Variants in HCN4 observed in about 807,000 individuals in gnomAD.
HCN4 encodes the protein potassium/sodium hyperpolarization-activated cyclic nucleotide-gated channel 4.
HCN4 carries 29 observed loss-of-function variants against 76.9 expected under a neutral mutation model. That is an observed-to-expected ratio of 0.38 (90% CI 0.28 to 0.51). The LOEUF is 0.51. Ranked by LOEUF, HCN4 falls within the 20% of genes least tolerant of loss-of-function variation. The pLI is 0.90. For missense variants in HCN4, 1,416 were observed against 1,715.2 expected (o/e 0.83, Z 3.08); for synonymous variants, 772 against 762.5 (o/e 1.01, Z -0.21).
In HCN4 at chr15:73,324,986, C is replaced by T; in HGVS notation, c.1947G>A (p.Glu649=). The T allele has an allele frequency of 6.2e-7, 1 of 1,614,186 alleles. No individual in the cohort carries two copies. Among genetic ancestry groups the T allele is most frequent in the Non-Finnish European group, 8.5e-7 (1 of 1,180,036 alleles). The stretch of plus-strand genomic sequence containing the variant: ...AGTAGGAGCCGTCGGCCAGCTTGGT[C>T]TCCTTGTTGCCCTTGGTGAGCACGC... ...VVSVLTKGNK[E]TKLADGSYFG... The change falls in exon 6 of 8, where the codon GAG becomes GAA. Residue 649 remains glutamate, a synonymous_variant. Transcript: ENST00000261917.
At position 73,367,755 on chromosome 15, in the gene HCN4, C is replaced by T. The variant is rs772278008; in HGVS notation, c.516G>A (p.Pro172=). 1.5e-5 allele frequency: 24 copies of T among 1,557,338 alleles called. No homozygotes were observed. Among genetic ancestry groups the T allele is most frequent in the Non-Finnish European group, 1.9e-5 (22 of 1,159,552 alleles). Residue 172 remains proline, a synonymous_variant, in exon 1 of 8, where the codon CCG becomes CCA. Coordinates refer to ENST00000261917, the MANE Select transcript of HCN4 (RefSeq NM_005477.3). This position sits in a 1 kb window ranked among gnomAD's most constrained non-coding sequence, Gnocchi z 7.5. ...GCTCGCAGGAGGCGGAGGCCGGCTG[C>T]GGTGGCTGCTGGGGCGGCGGCGGCG... ...AASPPPPQQP[P]QPASASCEQP...
intron 1 of HCN4, among the ~76,000 whole-genome samples, chr15:73,357,425 GTCCCACAGGGCC>G (rs555001413): frequency 1.3e-5 from 2 of 152,180 alleles, no homozygotes; most frequent in East Asian, 3.9e-4. Context: ...CCGCTGGCCT[GTCCCACAGGGCC>G]CCTCCACCCA....
intron 1 of HCN4, among the ~76,000 whole-genome samples, chr15:73,353,026 A>C (rs189162958): frequency 6.6e-6 from 1 of 152,016 alleles, no homozygotes; most frequent in Non-Finnish European, 1.5e-5. Context: ...GGATGGATGG[A>C]TGGATGGATG....
Position 73,353,032 on chromosome 15 carries a change from G to A in HCN4, c.786-9224C>T, listed in dbSNP as rs181449923. On this transcript the variant is annotated intron_variant, in intron 1 of 7. Coordinates refer to ENST00000261917, the MANE Select transcript of HCN4 (RefSeq NM_005477.3). ...TGGATGGATGGATGGATGGATGGAT[G>A]GATGGATGGATGGATGGACGGACGG... Among the ~76,000 whole-genome samples, 12 of 152,182 alleles carry A rather than the reference G, an allele frequency of 7.9e-5. 1 individual carries two copies. The highest frequency in any genetic ancestry group is 4.2e-4 in the South Asian group (2 of 4,818).
intron 2 of HCN4, among the ~76,000 whole-genome samples, chr15:73,338,552 C>T (rs567299714): frequency 1.3e-5 from 2 of 152,322 alleles, no homozygotes; most frequent in South Asian, 4.1e-4. Flanking sequence ...ACCACTAGCA[C>T]ATGGTAGGCA....
At chr15:73,356,150 A>C (rs2043078362) in intron 1 of HCN4, among the ~76,000 whole-genome samples, 1 of 151,214 alleles carries the variant, frequency 6.6e-6, no homozygotes, top group African/African-American at 2.4e-5. Context: ...AACATGAAGC[A>C]CTGGAAATGG....
At position 73,323,445 on chromosome 15, in the gene HCN4, G is replaced by C. The variant is rs148398509; in HGVS notation, c.2648C>G (p.Pro883Arg). 19,219 of 1,609,494 alleles carry C rather than the reference G, an allele frequency of 0.012. 149 individuals carry two copies. The highest frequency in any genetic ancestry group is 0.015 in the Non-Finnish European group (17,215 of 1,179,178). The change falls in exon 8 of 8, where the codon CCC (proline) becomes CGC (arginine). Residue 883 changes from proline (P) to arginine (R), a missense_variant. By Grantham distance (103) the Pro-to-Arg change is moderately radical. Coordinates refer to ENST00000261917, the MANE Select transcript of HCN4 (RefSeq NM_005477.3). ...CGAGGGGGAGCCACAGGCCCCGGGGGGTGGGGAGGAGCTGGATGAGGGCAG... is the reference window on the plus strand; with the variant it reads ...CGAGGGGGAGCCACAGGCCCCGGGGCGTGGGGAGGAGCTGGATGAGGGCAG... ...PLLPSSSSSPPPGACGSPSAP... is the reference protein window; with the variant it reads ...PLLPSSSSSPRPGACGSPSAP...
intron 1 of HCN4, among the ~76,000 whole-genome samples, chr15:73,346,036 C>G (rs1010148244): frequency 6.6e-6 from 1 of 152,172 alleles, no homozygotes; most frequent in African/African-American, 2.4e-5. Context: ...TTGCATAAGG[C>G]AAAAACACCC....
chr15:73,326,590 G>T (rs2042900813), intron 4 of HCN4, among the ~76,000 whole-genome samples: 1 of 152,096 alleles, frequency 6.6e-6, no homozygotes, highest in Non-Finnish European at 1.5e-5. Context: ...AGGTTGAAGT[G>T]GTCCAGGTGA....
At chr15:73,354,986 G>T (rs958624407) in intron 1 of HCN4, among the ~76,000 whole-genome samples, 2 of 152,244 alleles carry the variant, frequency 1.3e-5, no homozygotes, top group East Asian at 3.9e-4. Flanking sequence ...GAGTAAGAGG[G>T]TTGATGCAGA....
chr15:73,353,059 C>A (rs531831978), intron 1 of HCN4, among the ~76,000 whole-genome samples: 3 of 150,486 alleles, frequency 2.0e-5, no homozygotes, highest in African/African-American at 4.9e-5. Flanking sequence ...GACGGACGGA[C>A]GGGAGACTGT....
intron 6 of HCN4, among the ~76,000 whole-genome samples, chr15:73,324,613 G>A (rs2042887557): frequency 6.6e-6 from 1 of 152,212 alleles, no homozygotes; most frequent in Non-Finnish European, 1.5e-5. Flanking sequence ...AGGCCGGGGA[G>A]CTGGCTCATC....
intron 1 of HCN4, among the ~76,000 whole-genome samples, chr15:73,346,328 C>G (rs904373004): frequency 1.3e-5 from 2 of 152,224 alleles, no homozygotes; most frequent in African/African-American, 2.4e-5. Context: ...ACCACAGTAC[C>G]TGACTAGCAG....
At position 73,343,309 on chromosome 15, in the gene HCN4, T is replaced by G. The variant is rs1490273251; in HGVS notation, c.1209+76A>C. On this transcript the variant is annotated intron_variant, in intron 2 of 7. Coordinates refer to ENST00000261917, the MANE Select transcript of HCN4 (RefSeq NM_005477.3). This position sits in a 1 kb window ranked among gnomAD's most constrained non-coding sequence, Gnocchi z 5.7. ...ATCTGACAGCCTATGTTCAATTATCTGAGGTTCCCTGCCAGTTCCTCACTC... is the reference window on the plus strand; with the variant it reads ...ATCTGACAGCCTATGTTCAATTATCGGAGGTTCCCTGCCAGTTCCTCACTC... The G allele has an allele frequency of 4.2e-6, 6 of 1,426,552 alleles. No individual in the cohort carries two copies. The highest frequency in any genetic ancestry group is 3.9e-6 in the Non-Finnish European group (4 of 1,023,050). The allele number at this position is 1,426,552 out of a possible 1,614,324, so 88.4% of individuals were successfully genotyped here. A position where few individuals can be genotyped will look rare whatever the true frequency, so the allele number is the denominator to read the frequency against.
chr15:73,345,184 ATTGT>A (rs982877058), intron 1 of HCN4, among the ~76,000 whole-genome samples: 1 of 152,148 alleles, frequency 6.6e-6, no homozygotes, highest in Admixed American at 6.5e-5. Flanking sequence ...TTCATAGCAA[ATTGT>A]TTGTTTGTTT....
rs202188345 is a variant in HCN4 at position 73,323,015 on chromosome 15, G to A, written c.3078C>T (p.Ser1026=). 1.3e-5 allele frequency: 19 copies of A among 1,474,046 alleles called. No homozygotes were observed. The African/African-American group carries it at 2.0e-4, about 15-fold the overall frequency. 91.3% of individuals were successfully genotyped at this position (1,474,046 alleles called of 1,614,324 possible). ...PVGFTPRGGL[S]PPGHSPGPPR... is the part of the protein sequence containing the mutation. Reference sequence around the variant, plus strand: ...GGGGGCCTGGGCTGTGGCCAGGGGGGCTGAGACCTCCTCGGGGAGTAAAGC... The same window carrying A: ...GGGGGCCTGGGCTGTGGCCAGGGGGACTGAGACCTCCTCGGGGAGTAAAGC... Residue 1026 remains serine, a synonymous_variant, in exon 8 of 8, where the codon AGC becomes AGT. Transcript: ENST00000261917.
Position 73,367,195 on chromosome 15 carries a change from C to T in HCN4, c.785+291G>A, listed in dbSNP as rs892859031. ...AGGAGGAATATGTGGCTTAAGGTGGCAGAGCCCTATCCTGGCTGCCGGCAG... is the reference window on the plus strand; with the variant it reads ...AGGAGGAATATGTGGCTTAAGGTGGTAGAGCCCTATCCTGGCTGCCGGCAG... On this transcript the variant is annotated intron_variant, in intron 1 of 7. Coordinates refer to ENST00000261917, the MANE Select transcript of HCN4 (RefSeq NM_005477.3). The surrounding 1 kb of genome is among the most constrained non-coding windows in gnomAD (Gnocchi z 7.5). Among the ~76,000 whole-genome samples, 1 of 152,184 alleles carries T rather than the reference C, an allele frequency of 6.6e-6. No homozygotes were observed. The highest frequency in any genetic ancestry group is 2.4e-5 in the African/African-American group (1 of 41,438).
At chr15:73,331,068 C>T (rs2042929650) in intron 3 of HCN4, among the ~76,000 whole-genome samples, 1 of 152,182 alleles carries the variant, frequency 6.6e-6, no homozygotes, top group South Asian at 2.1e-4. Context: ...TGGGAATTTG[C>T]CTTCAGAACA....
chr15:73,348,481 C>G (rs1203210401), intron 1 of HCN4, among the ~76,000 whole-genome samples: 1 of 152,268 alleles, frequency 6.6e-6, no homozygotes. Flanking sequence ...CTTTTGCCCT[C>G]CTACATGCAT....
Sources: gnomAD v4.1 joint callset for allele counts (sites outside exome capture counted in the v4.1 genomes callset) on GRCh38, gnomAD v4.1.1 for gene constraint, Gnocchi (gnomAD v3.1) non-coding constraint, MANE v1.5 for transcripts, NCBI Gene and HGNC (gene_info 2026-07-23, HGNC 2026-07-21) for gene names.